Variants in COL14A1 observed in about 807,000 individuals in gnomAD.
The protein encoded by COL14A1 is collagen alpha-1(XIV) chain.
In COL14A1, 136 loss-of-function variants were observed where a neutral mutation model predicts 230.3. The ratio of observed to expected loss-of-function variants is 0.59; its 90% CI spans 0.51 to 0.68. The LOEUF (loss-of-function observed/expected upper bound fraction) is 0.68. Among genes scored for constraint, COL14A1 ranks in the 30% least tolerant of loss-of-function variants. COL14A1 has a pLI of 0.00. For missense variants in COL14A1, 1,976 were observed against 2,215.8 expected (o/e 0.89, Z 2.17); for synonymous variants, 792 against 784.1 (o/e 1.01, Z -0.17).
At chr8:120,128,821 G>A (rs1183073563) in intron 1 of COL14A1, among the ~76,000 whole-genome samples, 3 of 152,122 alleles carry the variant, frequency 2.0e-5, no homozygotes, top group Non-Finnish European at 4.4e-5. Context: ...ATTTTAGAGA[G>A]CAATGTTTTG....
chr8:120,344,911 A>G (rs898716075), intron 44 of COL14A1, among the ~76,000 whole-genome samples: 1 of 152,108 alleles, frequency 6.6e-6, no homozygotes, highest in Non-Finnish European at 1.5e-5. Context: ...AAAGGTTCCT[A>G]AAAAAAGGCT....
chr8:120,180,025 C>T (rs564879369), intron 5 of COL14A1, among the ~76,000 whole-genome samples: 2 of 152,128 alleles, frequency 1.3e-5, no homozygotes, highest in Non-Finnish European at 2.9e-5. Flanking sequence ...CCCTTCCTTA[C>T]ACCTTATACA....
In COL14A1 at chr8:120,339,282, C is replaced by T. The variant is rs560365940; in HGVS notation, c.4786-2043C>T. On this transcript the variant is annotated intron_variant, in intron 42 of 47. Coordinates refer to ENST00000297848, the MANE Select transcript of COL14A1 (RefSeq NM_021110.4). Reference sequence around the variant, plus strand: ...TTGGGATTACAGGCGTGAGCCACCGCGCCCTGCCATCTTCTGTCTTTTTTA... The same window carrying T: ...TTGGGATTACAGGCGTGAGCCACCGTGCCCTGCCATCTTCTGTCTTTTTTA... Among the ~76,000 whole-genome samples the T allele has an allele frequency of 4.6e-5, 7 of 152,292 alleles. No individual in the cohort carries two copies. In the South Asian group the frequency reaches 1.4e-3, roughly 32 times the overall value.
intron 2 of COL14A1, among the ~76,000 whole-genome samples, chr8:120,155,121 G>T (rs750633865): frequency 6.6e-6 from 1 of 151,954 alleles, no homozygotes; most frequent in Non-Finnish European, 1.5e-5. Context: ...TGACTGTGAG[G>T]GTATTTATGC....
At chr8:120,361,207 C>G (rs1055843102) in intron 45 of COL14A1, among the ~76,000 whole-genome samples, 38 of 152,300 alleles carry the variant, frequency 2.5e-4, no homozygotes, top group Middle Eastern at 3.4e-3. Context: ...CAAATTTCCT[C>G]TCTCTGAAAG....
chr8:120,345,468 G>A lies in COL14A1; in HGVS notation c.4982G>A (p.Arg1661Lys). Reference protein sequence around the residue: ...TVQGPPGEPGRPGSPGAPGEQ... With the variant: ...TVQGPPGEPGKPGSPGAPGEQ... The stretch of plus-strand genomic sequence containing the variant: ...CAAGGGCCTCCTGGGGAGCCTGGGA[G>A]GCCAGGCTCACCTGGAGCCCCTGGT... Residue 1661 changes from arginine (R) to lysine (K), a missense_variant, in exon 45 of 48, where the codon AGG becomes AAG. Coordinates refer to ENST00000297848, the MANE Select transcript of COL14A1 (RefSeq NM_021110.4). 1 of 1,603,014 alleles carries A rather than the reference G, an allele frequency of 6.2e-7. No individual in the cohort carries two copies. The highest frequency in any genetic ancestry group is 8.5e-7 in the Non-Finnish European group (1 of 1,175,038).
At chr8:120,252,843 C>A (rs1025520028) in intron 22 of COL14A1, among the ~76,000 whole-genome samples, 3 of 152,188 alleles carry the variant, frequency 2.0e-5, no homozygotes, top group African/African-American at 7.2e-5. Flanking sequence ...TTAAGCCAGA[C>A]CCCAGCGCCC....
chr8:120,261,346 T>C (rs1285103787), intron 23 of COL14A1, among the ~76,000 whole-genome samples: 2 of 152,212 alleles, frequency 1.3e-5, no homozygotes, highest in Non-Finnish European at 2.9e-5. Flanking sequence ...ATAAATGTTA[T>C]AAGAATCAAA....
chr8:120,360,245 T>C (rs1018279541), intron 45 of COL14A1, among the ~76,000 whole-genome samples: 4 of 152,234 alleles, frequency 2.6e-5, no homozygotes. Context: ...AAGGAGCAGA[T>C]ACAGGTTTTG....
intron 37 of COL14A1, 78 bp downstream of exon 37, chr8:120,310,140 T>C (rs1820989521): frequency 6.9e-7 from 1 of 1,459,772 alleles, no homozygotes; most frequent in Non-Finnish European, 9.5e-7. Context: ...TGGAGCTAAA[T>C]GTGACTTATT....
Position 120,262,919 on chromosome 8 carries a change from T to C in COL14A1, c.2921T>C (p.Phe974Ser), listed in dbSNP as rs771660913. Residue 974 changes from phenylalanine to serine, a missense_variant, in exon 24 of 48, where the codon TTC becomes TCC. This residue lies in a region of COL14A1 where 1,791 missense variants were observed against 2,019.5 expected (regional missense o/e 0.89). Transcript: ENST00000297848. ...TVGGGTTRHC[F>S]YGLQPDSEYK... ...GGTGGAGGGACAACCAGGCATTGCT[T>C]CTATGGACTTCAGCCTGATTCTGAA... The C allele has an allele frequency of 1.2e-6, 2 of 1,613,624 alleles. No homozygotes were observed. The highest frequency in any genetic ancestry group is 8.5e-7 in the Non-Finnish European group (1 of 1,179,866).
intron 26 of COL14A1, 67 bp downstream of exon 26, chr8:120,270,241 C>A: frequency 6.8e-7 from 1 of 1,463,090 alleles, no homozygotes. Flanking sequence ...CTTATTACAG[C>A]TACTTGTCAG....
At chr8:120,316,121 T>C in intron 40 of COL14A1, 124 bp downstream of exon 40, 1 of 846,644 alleles carries the variant, frequency 1.2e-6, no homozygotes, top group Non-Finnish European at 1.9e-6. Context: ...TTCTCCTGTT[T>C]ATGTATTTTC....
At chr8:120,260,450 C>A (rs1220728133) in intron 23 of COL14A1, among the ~76,000 whole-genome samples, 1 of 151,982 alleles carries the variant, frequency 6.6e-6, no homozygotes, top group Non-Finnish European at 1.5e-5. Flanking sequence ...TCTGTTTATT[C>A]TTCATAAACT....
At chr8:120,283,209 A>G (rs1027829876) in intron 31 of COL14A1, among the ~76,000 whole-genome samples, 2 of 152,192 alleles carry the variant, frequency 1.3e-5, no homozygotes, top group African/African-American at 4.8e-5. Flanking sequence ...GCAATTGACT[A>G]CAATATGTAG....
At chr8:120,284,590 C>T (rs1300273146) in intron 32 of COL14A1, among the ~76,000 whole-genome samples, 2 of 152,074 alleles carry the variant, frequency 1.3e-5, no homozygotes, top group African/African-American at 2.4e-5. Context: ...AAGCTTATTT[C>T]CGACTAGTAT....
chr8:120,290,793 A>G (rs753163878), intron 34 of COL14A1, among the ~76,000 whole-genome samples: 5 of 152,218 alleles, frequency 3.3e-5, no homozygotes, highest in Non-Finnish European at 7.3e-5. Flanking sequence ...GCACTTTGCT[A>G]TTTTGCAGCA....
intron 5 of COL14A1, among the ~76,000 whole-genome samples, chr8:120,179,875 G>T (rs1351480251): frequency 1.3e-5 from 2 of 152,052 alleles, no homozygotes; most frequent in Non-Finnish European, 2.9e-5. Flanking sequence ...GAACAGAAGC[G>T]AGTCTTCATA....
chr8:120,171,325 C>T (rs1395437912), intron 5 of COL14A1, among the ~76,000 whole-genome samples: 2 of 152,092 alleles, frequency 1.3e-5, no homozygotes, highest in Admixed American at 6.6e-5. Flanking sequence ...TATTCTTTAA[C>T]AATCAGTGTT....
Sources: allele counts gnomAD v4.1 joint callset (sites outside exome capture counted in the v4.1 genomes callset), GRCh38; gene constraint gnomAD v4.1.1; regional missense constraint gnomAD v4.1.1; transcripts MANE v1.5; gene names NCBI Gene and HGNC (gene_info 2026-07-23, HGNC 2026-07-21).